The following CYGB variants were observed in gnomAD, a reference collection of about 807,000 sequenced individuals.
CYGB encodes the protein cytoglobin, also known as histoglobin.
In CYGB, 13 loss-of-function variants were observed where a neutral mutation model predicts 20.7. The observed-to-expected ratio is 0.63, with a 90% confidence interval of 0.41 to 1.00. The LOEUF is 1.00. CYGB is among the 50% of genes least tolerant of loss of function. The probability of loss-of-function intolerance (pLI) is 0.00; values close to 1 mark genes in which losing one functional copy is unlikely to be tolerated. For missense variants in CYGB, 218 were observed against 257.2 expected, an observed-to-expected ratio of 0.85 and a Z score of 1.04; for synonymous variants, 93 against 107.4, an observed-to-expected ratio of 0.87 and a Z score of 0.83.
At chr17:76,532,017 G>T in intron 1 of CYGB, 1 of 234,808 alleles carries the variant, frequency 4.3e-6, no homozygotes. Context: ...TAGCCGAGAG[G>T]GTAAGAACTC....
Position 76,531,180 on chromosome 17 carries a change from G to A in CYGB, c.376-38C>T. 6.3e-7 allele frequency: 1 copy of A among 1,594,380 alleles called. No homozygotes were observed. Among genetic ancestry groups the A allele is most frequent in the Non-Finnish European group, 8.6e-7 (1 of 1,167,388 alleles). ...GGAGGAAGGGGGAGTGAACGCCCGG[G>A]CGCCCTGCGTCCTGCAACCCCCAGG... On this transcript the variant is annotated intron_variant, in intron 2 of 3. Transcript: ENST00000293230. This position sits in a 1 kb window ranked among gnomAD's most constrained non-coding sequence, Gnocchi z 7.4.
At chr17:76,547,740 TACAC>T (rs1266543067) in intron 1 of CYGB, among the ~76,000 whole-genome samples, 3 of 135,782 alleles carry the variant, frequency 2.2e-5, no homozygotes, top group African/African-American at 5.7e-5. Context: ...CACACACACA[TACAC>T]AAACACAGTC....
intron 1 of CYGB, among the ~76,000 whole-genome samples, chr17:76,537,140 G>T (rs2074924534): frequency 1.3e-5 from 2 of 152,218 alleles, no homozygotes; most frequent in South Asian, 4.1e-4. Context: ...TTCTGAGGCC[G>T]GGGAGAGGAG....
chr17:76,551,183 G>A (rs2075105440), upstream of CYGB: 3 of 152,186 alleles, frequency 2.0e-5, no homozygotes, highest in African/African-American at 7.2e-5. Context: ...GCAGAGCAGA[G>A]AAGAGAATGC....
chr17:76,544,085 A>C (rs554598037), intron 1 of CYGB: 1 of 454,500 alleles, frequency 2.2e-6, no homozygotes, highest in Non-Finnish European at 4.4e-6. Flanking sequence ...TCAATCCTGC[A>C]TGATCCTGAG....
chr17:76,530,952 C>G lies in CYGB; in HGVS notation c.539+27G>C. 1 of 1,544,544 alleles carries G rather than the reference C, an allele frequency of 6.5e-7. No individual in the cohort carries two copies. The highest frequency in any genetic ancestry group is 8.8e-7 in the Non-Finnish European group (1 of 1,142,000). On this transcript the variant is annotated intron_variant, in intron 3 of 3. Transcript: ENST00000293230. The surrounding 1 kb of genome is among the most constrained non-coding windows in gnomAD (Gnocchi z 6.1). ...GCAGAGGACATGGCGGGGAGGCTGC[C>G]CAGCCCACCCTCGCCCGCCTCCTCA...
chr17:76,527,704 T>C lies in CYGB; in HGVS notation c.*874A>G, dbSNP rs965879712. The C allele has an allele frequency of 8.8e-6, 4 of 453,828 alleles. No individual in the cohort carries two copies. The highest frequency in any genetic ancestry group is 4.0e-5 in the African/African-American group (2 of 49,924). The allele number at this position is 453,828 out of a possible 1,614,324, so 28.1% of individuals were successfully genotyped here. A position where few individuals can be genotyped will look rare whatever the true frequency, so the allele number is the denominator to read the frequency against. On this transcript the variant is annotated 3_prime_UTR_variant, in exon 4 of 4. Transcript: ENST00000293230. ...CCGACCTGCTGCCCAGCAGCCCGGA[T>C]CCCCCGGGGCTGCCCTGGTGGCCAA...
At chr17:76,540,524 G>A, upstream of CYGB, 1 of 1,613,684 alleles carries the variant, frequency 6.2e-7, no homozygotes, top group South Asian at 1.1e-5. The surrounding 1 kb of genome is among the most constrained non-coding windows in gnomAD (Gnocchi z 5.0). Flanking sequence ...CGACGTGGAT[G>A]GGGCAGCTAG....
chr17:76,549,896 C>G (rs184756567), intron 1 of CYGB: 1 of 151,770 alleles, frequency 6.6e-6, no homozygotes, highest in East Asian at 1.9e-4. Flanking sequence ...TGACTGGGGC[C>G]GGGGTTAGAT....
chr17:76,540,257 GGGGGGGCATGGGGCT>G, upstream of CYGB: 2 of 1,159,348 alleles, frequency 1.7e-6, no homozygotes, highest in Non-Finnish European at 2.5e-6. The surrounding 1 kb of genome is among the most constrained non-coding windows in gnomAD (Gnocchi z 5.0). Flanking sequence ...TGGTCGGGGG[GGGGGGGCATGGGGCT>G]GGGCTGCCAC....
chr17:76,531,701 G>A lies in CYGB; in HGVS notation c.144-10C>T. 1.9e-6 allele frequency: 3 copies of A among 1,580,706 alleles called. No homozygotes were observed. Among genetic ancestry groups the A allele is most frequent in the African/African-American group, 2.7e-5 (2 of 74,478 alleles). ...GAAGTTCACAAAGAACCTGGCAAGAGGAACAGGGGTGGTCGCTGAAGCTGG... is the reference window on the plus strand; with the variant it reads ...GAAGTTCACAAAGAACCTGGCAAGAAGAACAGGGGTGGTCGCTGAAGCTGG... On this transcript the variant is annotated splice_polypyrimidine_tract_variant and intron_variant, in intron 1 of 3. Transcript: ENST00000293230. The surrounding 1 kb of genome is among the most constrained non-coding windows in gnomAD (Gnocchi z 7.4).
Position 76,531,259 on chromosome 17 carries a change from A to G in CYGB, c.376-117T>C. On this transcript the variant is annotated intron_variant, in intron 2 of 3. Transcript: ENST00000293230. This position sits in a 1 kb window ranked among gnomAD's most constrained non-coding sequence, Gnocchi z 7.4. The stretch of plus-strand genomic sequence containing the variant: ...ATCATTCCTAACGCAACAGTCTGGC[A>G]GCTTTGGGAACCCCGTGCTCTCAGG... 7.8e-7 allele frequency: 1 copy of G among 1,280,058 alleles called. No individual in the cohort carries two copies. Among genetic ancestry groups the G allele is most frequent in the Non-Finnish European group, 1.1e-6 (1 of 927,238 alleles). The allele number at this position is 1,280,058 out of a possible 1,614,324, so 79.3% of individuals were successfully genotyped here.
chr17:76,544,194 C>A (rs1451862673), intron 1 of CYGB: 1 of 454,538 alleles, frequency 2.2e-6, no homozygotes, highest in South Asian at 1.6e-5. Flanking sequence ...CTTCAAAAAC[C>A]CCCCGTGCCT....
upstream of CYGB, chr17:76,538,115 G>A (rs1392332833): frequency 6.5e-6 from 1 of 154,640 alleles, no homozygotes; most frequent in African/African-American, 2.4e-5. Flanking sequence ...CCTTCCCGCG[G>A]CGGGGAACTG....
intron 1 of CYGB, among the ~76,000 whole-genome samples, chr17:76,532,671 A>G (rs1347505578): frequency 6.6e-6 from 1 of 151,464 alleles, no homozygotes; most frequent in East Asian, 1.9e-4. Context: ...AGCTGGGACT[A>G]CAGGCATCCA....
chr17:76,532,662 G>C (rs1275093050), intron 1 of CYGB, among the ~76,000 whole-genome samples: 1 of 151,236 alleles, frequency 6.6e-6, no homozygotes, highest in African/African-American at 2.4e-5. Flanking sequence ...TTCCTGAGTA[G>C]CTGGGACTAC....
chr17:76,547,722 TACATTCACACACACACATACACAA>T (rs1453103097), intron 1 of CYGB, among the ~76,000 whole-genome samples: 5 of 135,210 alleles, frequency 3.7e-5, no homozygotes, highest in Non-Finnish European at 6.3e-5. Context: ...CAGAGACACA[TACATTCACACACACACATACACAA>T]ACACAGTCAT....
At chr17:76,537,288 A>G in intron 1 of CYGB, 112 bp downstream of exon 1, 1 of 1,251,826 alleles carries the variant, frequency 8.0e-7, no homozygotes, top group Non-Finnish European at 1.0e-6. Context: ...GACCGGCCCC[A>G]TTCGCGGCTG....
chr17:76,530,965 G>A lies in CYGB; in HGVS notation c.539+14C>T, dbSNP rs767965936. 1.3e-4 allele frequency: 197 copies of A among 1,565,036 alleles called. No homozygotes were observed. The Middle Eastern group carries it at 1.3e-3, about 10-fold the overall frequency. ...CGGGGAGGCTGCCCAGCCCACCCTC[G>A]CCCGCCTCCTCACGTGGTGGCGTTG... On this transcript the variant is annotated intron_variant, in intron 3 of 3. Transcript: ENST00000293230. This position sits in a 1 kb window ranked among gnomAD's most constrained non-coding sequence, Gnocchi z 6.1.
Sources: gnomAD v4.1 joint callset for allele counts (sites outside exome capture counted in the v4.1 genomes callset) on GRCh38, gnomAD v4.1.1 for gene constraint, Gnocchi (gnomAD v3.1) non-coding constraint, MANE v1.5 for transcripts, NCBI Gene and HGNC (gene_info 2026-07-23, HGNC 2026-07-21) for gene names.